Variants in TRMT9B observed in about 807,000 individuals in gnomAD.
TRMT9B encodes the protein probable tRNA methyltransferase 9B.
TRMT9B carries 16 observed loss-of-function variants against 11.5 expected under a neutral mutation model. The ratio of observed to expected loss-of-function variants is 1.39; its 90% confidence interval spans 0.94 to 2.11. TRMT9B has a LOEUF of 2.11. TRMT9B is among the 30% of genes most tolerant of loss of function. TRMT9B has a pLI of 0.00. For missense variants in TRMT9B, 941 were observed against 553.8 expected (o/e 1.70, Z -7.02); for synonymous variants, 274 against 192.4 (o/e 1.42, Z -3.51).
intron 1 of TRMT9B, among the ~76,000 whole-genome samples, chr8:12,976,816 G>A (rs2460904): frequency 0.79 from 119,665 of 151,926 alleles, 47,207 homozygotes; most frequent in Admixed American, 0.83. Flanking sequence ...AACTTGGCAT[G>A]ACTTTAAACC....
In TRMT9B at chr8:12,982,139, G is replaced by T. The variant is rs541364696; in HGVS notation, c.-199-8695G>T. Among the ~76,000 whole-genome samples, 5 of 152,182 alleles carry T rather than the reference G, an allele frequency of 3.3e-5. No homozygotes were observed. In the East Asian group the frequency reaches 9.7e-4, roughly 29 times the overall value. ...TTTGCCCTCAAGTAAAAAATCAGCTGGTCCCTCTAGTTCTCCAGTTGTCCC... is the reference window on the plus strand; with the variant it reads ...TTTGCCCTCAAGTAAAAAATCAGCTTGTCCCTCTAGTTCTCCAGTTGTCCC... On this transcript the variant is annotated intron_variant, in intron 1 of 4. Transcript: ENST00000524591.
chr8:12,982,328 A>G (rs1432204104), intron 1 of TRMT9B, among the ~76,000 whole-genome samples: 2 of 152,238 alleles, frequency 1.3e-5, no homozygotes, highest in Non-Finnish European at 2.9e-5. Context: ...ACCAGATTCT[A>G]CTATGCTTTG....
At position 13,023,129 on chromosome 8, in the gene TRMT9B, T is replaced by C. The variant is rs1814217609; in HGVS notation, c.*1085T>C. ...TATTCAAGATTGATATTACTATTGC[T>C]TATTAGCAAGATTGTTATCAATCAT... On this transcript the variant is annotated 3_prime_UTR_variant, in exon 5 of 5. Coordinates refer to ENST00000524591, the MANE Select transcript of TRMT9B (RefSeq NM_020844.3). 1 of 167,098 alleles carries C rather than the reference T, an allele frequency of 6.0e-6. No homozygotes were observed. Among genetic ancestry groups the C allele is most frequent in the African/African-American group, 2.4e-5 (1 of 41,460 alleles). 10.4% of individuals were successfully genotyped at this position (167,098 alleles called of 1,614,324 possible).
Position 13,023,280 on chromosome 8 carries a change from T to C in TRMT9B, c.*1236T>C, listed in dbSNP as rs1307235608. The C allele has an allele frequency of 6.0e-6, 1 of 167,138 alleles. No individual in the cohort carries two copies. Among genetic ancestry groups the C allele is most frequent in the Non-Finnish European group, 1.5e-5 (1 of 68,128 alleles). The allele number at this position is 167,138 out of a possible 1,614,324, so 10.4% of individuals were successfully genotyped here. ...GAGAATCTAAGTGAAGCACTGATTTTAGCTCTGAGAACAAACAAATTAAGG... is the reference window on the plus strand; with the variant it reads ...GAGAATCTAAGTGAAGCACTGATTTCAGCTCTGAGAACAAACAAATTAAGG... On this transcript the variant is annotated 3_prime_UTR_variant, in exon 5 of 5. Coordinates refer to ENST00000524591, the MANE Select transcript of TRMT9B (RefSeq NM_020844.3).
chr8:12,946,946 C>T (rs976419763), intron 1 of TRMT9B, among the ~76,000 whole-genome samples: 5 of 152,140 alleles, frequency 3.3e-5, no homozygotes, highest in Non-Finnish European at 7.3e-5. Context: ...ATAAAGGCAG[C>T]AGCTACACAC....
intron 4 of TRMT9B, among the ~76,000 whole-genome samples, chr8:13,013,419 A>G (rs10091369): frequency 0.24 from 36,189 of 151,958 alleles, 4,384 homozygotes; most frequent in African/African-American, 0.27. Context: ...AGTCTAGGGA[A>G]TGTGTTTCTC....
intron 1 of TRMT9B, among the ~76,000 whole-genome samples, chr8:12,947,850 AC>A (rs1205665093): frequency 6.6e-6 from 1 of 152,218 alleles, no homozygotes; most frequent in Non-Finnish European, 1.5e-5. Context: ...TGAATTGGTC[AC>A]ATTTGGAAAG....
intron 1 of TRMT9B, among the ~76,000 whole-genome samples, chr8:12,990,441 C>G (rs1198738093): frequency 6.6e-6 from 1 of 151,966 alleles, no homozygotes; most frequent in African/African-American, 2.4e-5. Context: ...AAGAAAGTAG[C>G]TAGTAATATG....
At chr8:13,016,704 TCAA>T (rs1812777434) in intron 4 of TRMT9B, among the ~76,000 whole-genome samples, 1 of 151,666 alleles carries the variant, frequency 6.6e-6, no homozygotes, top group South Asian at 2.1e-4. Flanking sequence ...ATAGGAGCAA[TCAA>T]CAATGCCCTT....
Position 13,018,109 on chromosome 8 carries a change from A to AC in TRMT9B, c.329-2899_329-2898insC, listed in dbSNP as rs755443194. On this transcript the variant is annotated intron_variant, in intron 4 of 4. Transcript: ENST00000524591. ...AATAAGGACTTTCTTAAAAAAAAAA[A>AC]AAAAAAACTTGGCCAGGCGTGGTGG... Among the ~76,000 whole-genome samples the AC allele has an allele frequency of 7.9e-3, 1,191 of 151,100 alleles. 12 individuals carry two copies. Among genetic ancestry groups the AC allele is most frequent in the Non-Finnish European group, 0.012 (804 of 67,696 alleles).
Position 12,990,996 on chromosome 8 carries a change from A to T in TRMT9B, c.-37A>T, listed in dbSNP as rs1480136568. On this transcript the variant is annotated 5_prime_UTR_variant, in exon 2 of 5. The change creates a premature stop within an existing upstream ORF in the 5' untranslated region. Coordinates refer to ENST00000524591, the MANE Select transcript of TRMT9B (RefSeq NM_020844.3). ...GGAGACTGCCGTGATTCACAAAGAC[A>T]AGAGGTAATTTTCCTGTAATCACAG... The T allele has an allele frequency of 2.0e-5, 25 of 1,280,298 alleles. No homozygotes were observed. The highest frequency in any genetic ancestry group is 2.2e-5 in the Non-Finnish European group (22 of 983,474). The allele number at this position is 1,280,298 out of a possible 1,614,324, so 79.3% of individuals were successfully genotyped here. A position where few individuals can be genotyped will look rare whatever the true frequency, so the allele number is the denominator to read the frequency against.
intron 2 of TRMT9B, among the ~76,000 whole-genome samples, chr8:13,005,506 C>T (rs1455941841): frequency 1.3e-5 from 2 of 152,096 alleles, no homozygotes; most frequent in African/African-American, 2.4e-5. Flanking sequence ...GTGATTATTA[C>T]GCCTTGCATG....
At chr8:12,958,034 C>T (rs747360703) in intron 1 of TRMT9B, among the ~76,000 whole-genome samples, 5 of 152,036 alleles carry the variant, frequency 3.3e-5, no homozygotes, top group South Asian at 2.1e-4. Context: ...CGTTTTCACC[C>T]GGCTGATAAA....
At chr8:12,958,772 G>A (rs59192268) in intron 1 of TRMT9B, 13,920 of 152,188 alleles carry the variant, frequency 0.091, 862 homozygotes, top group African/African-American at 0.17. Context: ...CCATAAAAAA[G>A]GATGAGTTCC....
At chr8:12,949,970 A>G (rs137977457) in intron 1 of TRMT9B, among the ~76,000 whole-genome samples, 1,681 of 152,238 alleles carry the variant, frequency 0.011, 32 homozygotes, top group African/African-American at 0.036. Flanking sequence ...CTCCTGCCTC[A>G]ACCTCCTGAA....
At chr8:12,967,605 T>C (rs921156313) in intron 1 of TRMT9B, among the ~76,000 whole-genome samples, 7 of 152,256 alleles carry the variant, frequency 4.6e-5, no homozygotes, top group African/African-American at 1.7e-4. Flanking sequence ...AAATGCATCC[T>C]TTCTAATTAA....
chr8:13,017,898 A>G (rs375774719), intron 4 of TRMT9B, among the ~76,000 whole-genome samples: 162 of 151,924 alleles, frequency 1.1e-3, no homozygotes, highest in African/African-American at 3.7e-3. Flanking sequence ...TGCTGGAATT[A>G]CAGGTGTGAG....
At chr8:13,010,852 A>T (rs1387438322) in intron 3 of TRMT9B, 3 of 980,634 alleles carry the variant, frequency 3.1e-6, no homozygotes, top group Middle Eastern at 5.2e-4. Flanking sequence ...TATTTTCCCC[A>T]TGATTGCCTT....
intron 1 of TRMT9B, among the ~76,000 whole-genome samples, chr8:12,960,756 G>C (rs1801996457): frequency 6.6e-6 from 1 of 152,192 alleles, no homozygotes; most frequent in East Asian, 1.9e-4. Flanking sequence ...ATATGCAAAG[G>C]CAAAACTCTA....
Sources: allele counts gnomAD v4.1 joint callset (sites outside exome capture counted in the v4.1 genomes callset), GRCh38; gene constraint gnomAD v4.1.1; transcripts MANE v1.5; gene names NCBI Gene and HGNC (gene_info 2026-07-23, HGNC 2026-07-21).